Variants in OLA1 observed in about 807,000 individuals in gnomAD.
The protein encoded by OLA1 is obg-like ATPase 1.
Under a neutral mutation model 48.4 loss-of-function variants are expected in OLA1, and 14 were observed. The observed-to-expected ratio is 0.29, with a 90% CI of 0.19 to 0.45. The LOEUF (loss-of-function observed/expected upper bound fraction) is 0.45. OLA1 is among the 20% of genes least tolerant of loss of function. The pLI is 1.00. For synonymous variants in OLA1, 127 were observed against 150.4 expected (o/e 0.84, Z 1.14); for missense variants, 325 against 467.1 (o/e 0.70, Z 2.80).
intron 2 of OLA1, among the ~76,000 whole-genome samples, chr2:174,239,358 T>C (rs866174672): frequency 5.9e-5 from 9 of 152,236 alleles, no homozygotes; most frequent in Non-Finnish European, 8.8e-5. Flanking sequence ...TCACCAAAAA[T>C]GGACAAATCA....
intron 7 of OLA1, among the ~76,000 whole-genome samples, chr2:174,085,793 T>A (rs1049942593): frequency 1.3e-5 from 2 of 152,248 alleles, no homozygotes; most frequent in African/African-American, 4.8e-5. Flanking sequence ...TTCTTCCAAA[T>A]CTACTTGCTT....
intron 7 of OLA1, among the ~76,000 whole-genome samples, chr2:174,103,923 G>A (rs1685455997): frequency 6.6e-6 from 1 of 152,110 alleles, no homozygotes; most frequent in Non-Finnish European, 1.5e-5. Context: ...TGTTTCTGTG[G>A]AAGCACAGAG....
intron 4 of OLA1, among the ~76,000 whole-genome samples, chr2:174,222,533 C>T (rs1422280123): frequency 6.6e-6 from 1 of 152,118 alleles, no homozygotes; most frequent in East Asian, 1.9e-4. Flanking sequence ...AGCCACAGTC[C>T]TATTTTTTCT....
chr2:174,127,050 AC>A (rs1272764573), intron 5 of OLA1, among the ~76,000 whole-genome samples: 2 of 152,028 alleles, frequency 1.3e-5, no homozygotes, highest in East Asian at 3.8e-4. Context: ...TTCTGCTTTG[AC>A]TCTTCTTACT....
In OLA1 at chr2:174,148,265, G is replaced by A. The variant is rs188269207; in HGVS notation, c.374-6265C>T. 1.6e-3 allele frequency among the ~76,000 whole-genome samples: 243 copies of A among 152,248 alleles called. 2 individuals are homozygous for A. The highest frequency in any genetic ancestry group is 5.6e-3 in the African/African-American group (234 of 41,568). Reference sequence around the variant, plus strand: ...TAGCCAGGCTTGGTGGCATGCGCCTGTGGTCCCAGCTACTTGGGGGTGCTG... The same window carrying A: ...TAGCCAGGCTTGGTGGCATGCGCCTATGGTCCCAGCTACTTGGGGGTGCTG... On this transcript the variant is annotated intron_variant, in intron 4 of 10. Transcript: ENST00000284719.
Position 174,079,048 on chromosome 2 carries a change from CTG to C in OLA1, c.1007_1008del (p.Thr336ArgfsTer3), listed in dbSNP as rs1323884061. On this transcript the variant is annotated frameshift_variant, in exon 10 of 11. Coordinates refer to ENST00000284719, the MANE Select transcript of OLA1 (RefSeq NM_013341.5). LOFTEE classifies it high-confidence loss of function. ...GCCATAATGAATCCCTTTTCAAAAT[CTG>C]TGTGAATCTTTCCTGCAGCCTGAGG... ...KAPQAAGKIH[T>X]DFEKGFIMAE... is the part of the protein sequence containing the mutation. 1 of 1,604,654 alleles carries C rather than the reference CTG, an allele frequency of 6.2e-7. No individual in the cohort carries two copies. Among genetic ancestry groups the C allele is most frequent in the East Asian group, 2.3e-5 (1 of 44,380 alleles).
intron 4 of OLA1, among the ~76,000 whole-genome samples, chr2:174,154,711 G>GA (rs761297653): frequency 6.6e-6 from 1 of 151,962 alleles, no homozygotes; most frequent in East Asian, 1.9e-4. Flanking sequence ...TTTTTACACC[G>GA]AAAAAAATGC....
At chr2:174,230,121 G>C (rs1347037894) in intron 2 of OLA1, among the ~76,000 whole-genome samples, 13 of 151,942 alleles carry the variant, frequency 8.6e-5, no homozygotes, top group Admixed American at 8.5e-4. Flanking sequence ...TACGTGCTCA[G>C]AGAAAGCCCA....
chr2:174,204,062 G>A (rs1273285263), intron 4 of OLA1, among the ~76,000 whole-genome samples: 3 of 151,326 alleles, frequency 2.0e-5, no homozygotes, highest in Non-Finnish European at 4.4e-5. Flanking sequence ...CAAAGTGCTG[G>A]GATTACAGGT....
chr2:174,231,196 TAAAG>T (rs894606694), intron 2 of OLA1, among the ~76,000 whole-genome samples: 7 of 152,118 alleles, frequency 4.6e-5, no homozygotes, highest in Non-Finnish European at 8.8e-5. Context: ...AAATTTAAAA[TAAAG>T]AGTGATAGTT....
chr2:174,169,461 T>C (rs1166363559), intron 4 of OLA1, among the ~76,000 whole-genome samples: 1 of 152,194 alleles, frequency 6.6e-6, no homozygotes, highest in Non-Finnish European at 1.5e-5. Context: ...AATTAATCAT[T>C]GACTTTTTCA....
chr2:174,142,668 A>C (rs1391218505), intron 4 of OLA1, among the ~76,000 whole-genome samples: 5 of 152,198 alleles, frequency 3.3e-5, no homozygotes, highest in African/African-American at 1.2e-4. Flanking sequence ...TGAAGCCATA[A>C]TTTCAAATTG....
intron 4 of OLA1, among the ~76,000 whole-genome samples, chr2:174,192,909 T>G (rs1687804121): frequency 6.6e-6 from 1 of 152,114 alleles, no homozygotes; most frequent in Non-Finnish European, 1.5e-5. Flanking sequence ...TCCGGGTGCC[T>G]TAGAGATTTT....
chr2:174,227,623 C>A (rs1056655031), intron 3 of OLA1, among the ~76,000 whole-genome samples: 2 of 152,134 alleles, frequency 1.3e-5, no homozygotes, highest in Non-Finnish European at 2.9e-5. Context: ...TTAGAAAGGA[C>A]ACTGAAGTCA....
At chr2:174,208,148 C>T (rs6710641) in intron 4 of OLA1, among the ~76,000 whole-genome samples, 78,944 of 151,948 alleles carry the variant, frequency 0.52, 21,070 homozygotes, top group East Asian at 0.94. Flanking sequence ...GAGAAGGATG[C>T]GTAGAAAACA....
chr2:174,190,185 G>C (rs1253761804), intron 4 of OLA1, among the ~76,000 whole-genome samples: 1 of 152,094 alleles, frequency 6.6e-6, no homozygotes, highest in East Asian at 1.9e-4. Context: ...AAATGCTGTG[G>C]GCGTGAGGAG....
chr2:174,183,245 C>G (rs546393939), intron 4 of OLA1, among the ~76,000 whole-genome samples: 3 of 152,162 alleles, frequency 2.0e-5, no homozygotes, highest in African/African-American at 7.2e-5. Flanking sequence ...CCGAAGTTAG[C>G]AGAAAGTAGG....
At chr2:174,208,203 T>A (rs1426203094) in intron 4 of OLA1, among the ~76,000 whole-genome samples, 1 of 152,182 alleles carries the variant, frequency 6.6e-6, no homozygotes, top group South Asian at 2.1e-4. Context: ...GCCTCTGAGC[T>A]CTAGCCATTC....
intron 7 of OLA1, among the ~76,000 whole-genome samples, chr2:174,103,087 C>T (rs981878658): frequency 1.3e-5 from 2 of 151,978 alleles, no homozygotes; most frequent in Non-Finnish European, 2.9e-5. Context: ...TGCTTATATG[C>T]TACTGGGGAA....
Sources: allele counts gnomAD v4.1 joint callset (sites outside exome capture counted in the v4.1 genomes callset), GRCh38; gene constraint gnomAD v4.1.1; transcripts MANE v1.5; gene names NCBI Gene and HGNC (gene_info 2026-07-23, HGNC 2026-07-21).